The following TBC1D5 variants were observed in gnomAD, a reference collection of about 807,000 sequenced individuals.
TBC1D5 encodes the protein TBC1 domain family, member 5.
In TBC1D5, 75 loss-of-function variants were observed where a neutral mutation model predicts 100.3. The observed-to-expected ratio is 0.75, with a 90% CI of 0.62 to 0.91. The LOEUF (loss-of-function observed/expected upper bound fraction) is 0.91. Among genes scored for constraint, TBC1D5 ranks in the 40% least tolerant of loss-of-function variants. The pLI, the probability that TBC1D5 is intolerant of heterozygous loss-of-function variation, is 0.00. For synonymous variants in TBC1D5, 323 were observed against 325.6 expected (o/e 0.99, Z 0.09); for missense variants, 910 against 942.4 (o/e 0.97, Z 0.45).
intron 18 of TBC1D5, among the ~76,000 whole-genome samples, chr3:17,192,741 G>T (rs2070113308): frequency 6.6e-6 from 1 of 152,180 alleles, no homozygotes; most frequent in Non-Finnish European, 1.5e-5. Flanking sequence ...ACCCCTTCTT[G>T]TTTACAAATA....
chr3:17,638,140 ATTT>A (rs966826736), intron 1 of TBC1D5, among the ~76,000 whole-genome samples: 3 of 151,920 alleles, frequency 2.0e-5, no homozygotes, highest in Non-Finnish European at 2.9e-5. Context: ...CATGCATCTT[ATTT>A]TTTAACAGCT....
chr3:17,188,359 T>G (rs1014306556), intron 18 of TBC1D5, among the ~76,000 whole-genome samples: 4 of 152,176 alleles, frequency 2.6e-5, no homozygotes, highest in African/African-American at 9.7e-5. Context: ...CCCAAGTAGA[T>G]CTTGATACAA....
At chr3:17,505,857 A>G (rs1199516500) in intron 3 of TBC1D5, among the ~76,000 whole-genome samples, 1 of 152,238 alleles carries the variant, frequency 6.6e-6, no homozygotes, top group Non-Finnish European at 1.5e-5. Flanking sequence ...AACAGGGCAC[A>G]CAGAAAATGT....
At chr3:17,404,118 G>A (rs1364249588) in intron 7 of TBC1D5, among the ~76,000 whole-genome samples, 2 of 152,014 alleles carry the variant, frequency 1.3e-5, no homozygotes, top group Non-Finnish European at 2.9e-5. Context: ...TTGGGAAAGA[G>A]GAATGCTAAC....
intron 13 of TBC1D5, among the ~76,000 whole-genome samples, chr3:17,357,941 A>G (rs2091363178): frequency 6.6e-6 from 1 of 152,158 alleles, no homozygotes; most frequent in African/African-American, 2.4e-5. Flanking sequence ...TTAATTATAA[A>G]CTGGTAGTTC....
intron 2 of TBC1D5, chr3:17,546,955 C>G (rs1031097277): frequency 6.6e-6 from 1 of 152,122 alleles, no homozygotes; most frequent in Admixed American, 6.5e-5. Flanking sequence ...TTGGTTAGGT[C>G]CCAGAGAGAA....
chr3:17,681,070 T>C (rs563622835), intron 1 of TBC1D5, among the ~76,000 whole-genome samples: 16 of 151,650 alleles, frequency 1.1e-4, no homozygotes, highest in South Asian at 1.0e-3. Flanking sequence ...GCTGTACTTT[T>C]ACTTGTCATA....
At chr3:17,518,525 G>T (rs1055564481) in intron 2 of TBC1D5, among the ~76,000 whole-genome samples, 1 of 152,158 alleles carries the variant, frequency 6.6e-6, no homozygotes, top group East Asian at 1.9e-4. Context: ...CTCCTTTCCA[G>T]CTCCCCTTCC....
intron 2 of TBC1D5, among the ~76,000 whole-genome samples, chr3:17,599,041 T>C (rs1023072098): frequency 1.3e-5 from 2 of 152,152 alleles, no homozygotes; most frequent in African/African-American, 2.4e-5. Context: ...GAAATGGTAG[T>C]ACATAGAGAA....
chr3:17,295,283 A>G (rs561600505), intron 14 of TBC1D5, among the ~76,000 whole-genome samples: 16 of 152,208 alleles, frequency 1.1e-4, no homozygotes, highest in Non-Finnish European at 2.2e-4. Flanking sequence ...AAGCTGCCCA[A>G]CTTCACTGAA....
At chr3:17,272,884 T>C (rs189181348) in intron 15 of TBC1D5, among the ~76,000 whole-genome samples, 57 of 152,246 alleles carry the variant, frequency 3.7e-4, no homozygotes, top group African/African-American at 1.3e-3. Flanking sequence ...GATTGGGAAA[T>C]GCTAAAGTAT....
At chr3:17,235,610 C>T (rs969007532) in intron 17 of TBC1D5, among the ~76,000 whole-genome samples, 2 of 152,168 alleles carry the variant, frequency 1.3e-5, no homozygotes, top group Non-Finnish European at 2.9e-5. Flanking sequence ...GTATTTTTCA[C>T]TGTAGAGTTA....
chr3:17,533,688 G>C (rs564619064), intron 2 of TBC1D5, among the ~76,000 whole-genome samples: 8 of 152,312 alleles, frequency 5.3e-5, no homozygotes, highest in Non-Finnish European at 1.0e-4. Flanking sequence ...AGCCTGTTCA[G>C]CTACGAATGT....
Position 17,658,666 on chromosome 3 carries a change from CT to C in TBC1D5, c.-100-34754del, listed in dbSNP as rs527840119. Among the ~76,000 whole-genome samples, 9 of 151,022 alleles carry C rather than the reference CT, an allele frequency of 6.0e-5. 1 individual carries two copies. In the South Asian group the frequency reaches 1.7e-3, roughly 28 times the overall value. Reference sequence around the variant, plus strand: ...ACTCTGATATCTGAGACAGTTATAGCTTTTTTTTTAGACAGGGTTTCACTCT... The same window carrying C: ...ACTCTGATATCTGAGACAGTTATAGCTTTTTTTTAGACAGGGTTTCACTCT... On this transcript the variant is annotated intron_variant, in intron 1 of 21. Transcript: ENST00000253692.
intron 13 of TBC1D5, among the ~76,000 whole-genome samples, chr3:17,327,577 A>G (rs1559641079): frequency 6.6e-6 from 1 of 152,128 alleles, no homozygotes; most frequent in Non-Finnish European, 1.5e-5. Context: ...TCTCCCCACA[A>G]AAATACATGG....
chr3:17,408,544 C>T (rs1237847943), intron 4 of TBC1D5, among the ~76,000 whole-genome samples: 3 of 152,038 alleles, frequency 2.0e-5, no homozygotes, highest in Admixed American at 6.6e-5. Flanking sequence ...GATTGGTCTA[C>T]AAAGGGCCTC....
intron 7 of TBC1D5, among the ~76,000 whole-genome samples, chr3:17,404,333 A>G (rs1017697667): frequency 1.3e-5 from 2 of 151,984 alleles, no homozygotes; most frequent in Non-Finnish European, 2.9e-5. Flanking sequence ...TAGCCCTACT[A>G]AGTGAGCCCT....
intron 3 of TBC1D5, among the ~76,000 whole-genome samples, chr3:17,471,350 A>C (rs1013831884): frequency 6.6e-6 from 1 of 152,246 alleles, no homozygotes; most frequent in African/African-American, 2.4e-5. Flanking sequence ...AAATGGTATT[A>C]GTATTAATAT....
intron 1 of TBC1D5, among the ~76,000 whole-genome samples, chr3:17,690,669 T>G (rs571888704): frequency 6.6e-6 from 1 of 152,298 alleles, no homozygotes; most frequent in East Asian, 1.9e-4. Flanking sequence ...TAGATTCTCA[T>G]AAGACTGCTA....
Sources: gnomAD v4.1 joint callset for allele counts (sites outside exome capture counted in the v4.1 genomes callset) on GRCh38, gnomAD v4.1.1 for gene constraint, MANE v1.5 for transcripts, NCBI Gene and HGNC (gene_info 2026-07-23, HGNC 2026-07-21) for gene names.